DLG5: variants seen among roughly 807,000 people sequenced by gnomAD.
The protein encoded by DLG5 is disks large homolog 5.
In DLG5, 48 loss-of-function variants were observed where a neutral mutation model predicts 189.8. That is an observed-to-expected ratio of 0.25 (90% CI 0.20 to 0.32). The LOEUF (loss-of-function observed/expected upper bound fraction) is 0.32, where lower values mean the gene tolerates loss of function less well. Among genes scored for constraint, DLG5 ranks in the 10% least tolerant of loss-of-function variants. The probability of loss-of-function intolerance (pLI) is 1.00; values close to 1 mark genes in which losing one functional copy is unlikely to be tolerated. For missense variants in DLG5, 2,160 were observed against 2,544.7 expected, an observed-to-expected ratio of 0.85 and a Z score of 3.25; for synonymous variants, 1,016 against 1,054.1, an observed-to-expected ratio of 0.96 and a Z score of 0.70.
intron 1 of DLG5, among the ~76,000 whole-genome samples, chr10:77,872,530 G>A (rs1212496852): frequency 6.6e-6 from 1 of 152,194 alleles, no homozygotes. Flanking sequence ...GCTGGTGGGG[G>A]GAGTGGTTAA....
At chr10:77,797,021 C>T (rs191625011) in intron 27 of DLG5, among the ~76,000 whole-genome samples, 29 of 152,276 alleles carry the variant, frequency 1.9e-4, no homozygotes, top group South Asian at 8.3e-4. Context: ...CCAATCTGCA[C>T]GGCTAGAACA....
chr10:77,882,219 A>G (rs1247867100), intron 1 of DLG5, among the ~76,000 whole-genome samples: 1 of 152,250 alleles, frequency 6.6e-6, no homozygotes, highest in Non-Finnish European at 1.5e-5. Flanking sequence ...AGGGCCCAGG[A>G]TCAGGAGCTG....
At chr10:77,815,023 G>A (rs979238803) in intron 20 of DLG5, among the ~76,000 whole-genome samples, 2 of 152,130 alleles carry the variant, frequency 1.3e-5, no homozygotes, top group African/African-American at 4.8e-5. Context: ...CGTGAGGGCA[G>A]GAGTCACTCA....
intron 16 of DLG5, 107 bp from the exon 17 acceptor site, chr10:77,819,572 A>G: frequency 7.0e-7 from 1 of 1,419,760 alleles, no homozygotes; most frequent in South Asian, 1.4e-5. Context: ...TCTTTTGGGA[A>G]AAGGACTTGG....
rs181618464 is a variant in DLG5, at chr10:77,805,971, C to G, written c.4968-110G>C. 5.1e-3 allele frequency: 5,490 copies of G among 1,086,188 alleles called. 22 individuals are homozygous for G. The highest frequency in any genetic ancestry group is 6.6e-3 in the Non-Finnish European group (4,925 of 750,618). The allele number at this position is 1,086,188 out of a possible 1,614,324, so 67.3% of individuals were successfully genotyped here. A position where few individuals can be genotyped will look rare whatever the true frequency, so the allele number is the denominator to read the frequency against. ...GGTGGGCCAGACACTGGGCTCCCCC[C>G]ACACTCCTTGGCAGGTCTCAAGGCT... On this transcript the variant is annotated intron_variant, in intron 26 of 31. Transcript: ENST00000372391.
chr10:77,916,435 C>T (rs1269042523), intron 1 of DLG5, among the ~76,000 whole-genome samples: 1 of 151,994 alleles, frequency 6.6e-6, no homozygotes, highest in Non-Finnish European at 1.5e-5. Context: ...GGATTACAGG[C>T]ACACAACCAC....
At chr10:77,798,358 TGAG>T (rs1228890536) in intron 27 of DLG5, among the ~76,000 whole-genome samples, 2 of 152,156 alleles carry the variant, frequency 1.3e-5, no homozygotes, top group Non-Finnish European at 1.5e-5. Context: ...GTGAAGGCTC[TGAG>T]GAGGAGTCAC....
intron 1 of DLG5, among the ~76,000 whole-genome samples, chr10:77,907,137 T>C (rs945148932): frequency 2.6e-5 from 4 of 152,086 alleles, no homozygotes; most frequent in South Asian, 4.1e-4. Context: ...AACCAGAAGA[T>C]TGCAAACCAG....
At position 77,811,042 on chromosome 10, in the gene DLG5, C is replaced by T. The variant is rs998968497; in HGVS notation, c.4463+52G>A. 10 of 1,577,926 alleles carry T rather than the reference C, an allele frequency of 6.3e-6. No homozygotes were observed. In the African/African-American group the frequency reaches 1.2e-4, roughly 19 times the overall value. On this transcript the variant is annotated intron_variant, in intron 23 of 31. Transcript: ENST00000372391. ...CACGCCACTTGGAGAATGTGCTCAG[C>T]CCCACCCAGCCGAAGCGGACACAGG...
In DLG5 at chr10:77,817,043, G is replaced by A; in HGVS notation, c.3838C>T (p.Pro1280Ser). The A allele has an allele frequency of 6.2e-7, 1 of 1,614,158 alleles. No individual in the cohort carries two copies. Among genetic ancestry groups the A allele is most frequent in the Non-Finnish European group, 8.5e-7 (1 of 1,180,036 alleles). The change falls in exon 19 of 32, where the codon CCA (proline) becomes TCA (serine). Residue 1280 changes from proline to serine, a missense_variant. Physicochemically the swap from Pro to Ser is moderately conservative, Grantham distance 74 (BLOSUM62 -1). Transcript: ENST00000372391. ...CCCACGACACTCCGCGGATATCTTG[G>A]TGTTGATGGGATTTTAATGCGTTCC... The part of the protein sequence containing the change: ...KAERIKIPST[P>S]RYPRSVVGSE...
chr10:77,901,114 CAAA>C (rs34724408), intron 1 of DLG5, among the ~76,000 whole-genome samples: 4 of 52,706 alleles, frequency 7.6e-5, no homozygotes, highest in Admixed American at 2.1e-4. Context: ...AACTCCATCT[CAAA>C]AAAAAAAAAA....
In DLG5 at chr10:77,829,001, G is replaced by A; in HGVS notation, c.2186-16C>T. ...ATGCCACTGTCTGCAAGCCACAGGA[G>A]GTCACTGGGTAGCCCCTGGCCTCGC... On this transcript the variant is annotated splice_polypyrimidine_tract_variant and intron_variant, in intron 12 of 31. Transcript: ENST00000372391. The A allele has an allele frequency of 6.2e-7, 1 of 1,613,238 alleles. No homozygotes were observed. Among genetic ancestry groups the A allele is most frequent in the South Asian group, 1.1e-5 (1 of 90,940 alleles).
rs529426645 is a variant in DLG5, at chr10:77,893,251, G to T, written c.305-24054C>A. On this transcript the variant is annotated intron_variant, in intron 1 of 31. Coordinates refer to ENST00000372391, the MANE Select transcript of DLG5 (RefSeq NM_004747.4). ...CAAGGAAGGAGAGAGAGAAGGAGGTGAAAGTGCACTGAAGACCTAATACAC... is the reference window on the plus strand; with the variant it reads ...CAAGGAAGGAGAGAGAGAAGGAGGTTAAAGTGCACTGAAGACCTAATACAC... Among the ~76,000 whole-genome samples, 12 of 152,368 alleles carry T rather than the reference G, an allele frequency of 7.9e-5. No individual in the cohort carries two copies. The East Asian group carries it at 1.7e-3, about 22-fold the overall frequency.
chr10:77,850,354 C>T (rs1272050511), intron 5 of DLG5, among the ~76,000 whole-genome samples: 1 of 152,130 alleles, frequency 6.6e-6, no homozygotes, highest in Non-Finnish European at 1.5e-5. Context: ...GAAGTTCATC[C>T]ACACTATAGC....
At position 77,812,104 on chromosome 10, in the gene DLG5, A is replaced by G; in HGVS notation, c.4189-47T>C. ...CTCAGTGGGGGGGTCGGGGCTGTGG[A>G]CAGGGAGGAGGCCCTGGGGACTTGG... is the stretch of plus-strand genomic sequence containing the variant. On this transcript the variant is annotated intron_variant, in intron 21 of 31. Transcript: ENST00000372391. 3 of 1,602,326 alleles carry G rather than the reference A, an allele frequency of 1.9e-6. No homozygotes were observed. In the South Asian group the frequency reaches 3.3e-5, roughly 18 times the overall value.
Position 77,919,194 on chromosome 10 carries a change from C to T in DLG5, c.304+7023G>A, listed in dbSNP as rs533786042. Among the ~76,000 whole-genome samples the T allele has an allele frequency of 9.2e-5, 14 of 151,796 alleles. No homozygotes were observed. In the East Asian group the frequency reaches 1.2e-3, roughly 13 times the overall value. ...TTGCACCACTGCACTCCAGCCTGGG[C>T]GACAGAGCAAGGCTCCATCTCAAAA... is the stretch of plus-strand genomic sequence containing the variant. On this transcript the variant is annotated intron_variant, in intron 1 of 31. Transcript: ENST00000372391.
chr10:77,885,826 C>T (rs1388126239), intron 1 of DLG5, among the ~76,000 whole-genome samples: 2 of 152,192 alleles, frequency 1.3e-5, no homozygotes, highest in South Asian at 2.1e-4. Context: ...TCAGAGGGGG[C>T]GTGACTGAGC....
chr10:77,849,186 G>T (rs1159732992), intron 5 of DLG5, among the ~76,000 whole-genome samples: 1 of 152,172 alleles, frequency 6.6e-6, no homozygotes, highest in African/African-American at 2.4e-5. Flanking sequence ...CATGCAGAGG[G>T]CCGGGAAGCC....
intron 5 of DLG5, among the ~76,000 whole-genome samples, chr10:77,851,970 G>A (rs1843996886): frequency 6.6e-6 from 1 of 152,204 alleles, no homozygotes; most frequent in Admixed American, 6.5e-5. Context: ...GAAGGCATGG[G>A]GTGGAAGAGC....
Sources: allele counts gnomAD v4.1 joint callset (sites outside exome capture counted in the v4.1 genomes callset), GRCh38; gene constraint gnomAD v4.1.1; transcripts MANE v1.5; gene names NCBI Gene and HGNC (gene_info 2026-07-23, HGNC 2026-07-21).